Variants in SNX25 observed in about 807,000 individuals in gnomAD.
SNX25 encodes sorting nexin-25.
SNX25 carries 62 observed loss-of-function variants against 113.7 expected under a neutral mutation model. The observed-to-expected ratio is 0.55, with a 90% CI of 0.44 to 0.67. The LOEUF (loss-of-function observed/expected upper bound fraction) is 0.67. SNX25 is among the 30% of genes least tolerant of loss of function. SNX25 has a pLI of 0.00. For synonymous variants in SNX25, 421 were observed against 436.2 expected (o/e 0.97, Z 0.43); for missense variants, 1,014 against 1,161.0 (o/e 0.87, Z 1.84).
intron 9 of SNX25, among the ~76,000 whole-genome samples, chr4:185,325,532 C>CA (rs34665853): frequency 0.71 from 79,649 of 111,540 alleles, 29,722 homozygotes; most frequent in Non-Finnish European, 0.81. Flanking sequence ...GACTCCGTCT[C>CA]AAAAAAAAAA....
chr4:185,264,560 T>G lies in SNX25; in HGVS notation c.854T>G (p.Val285Gly), dbSNP rs771892711. ...TTTTGTCTCCTCCCCTCAAAGGATG[T>G]GCAGTCTCTCAGCTTACGTATAATG... is the stretch of plus-strand genomic sequence containing the variant. ...LVFCLLPSKD[V>G]QSLSLRIMLA... is the part of the protein sequence containing the mutation. Residue 285 changes from valine to glycine, a missense_variant, in exon 4 of 19, where the codon GTG becomes GGG. Val to Gly is a moderately radical substitution (Grantham distance 109, BLOSUM62 -3). Coordinates refer to ENST00000652585, the MANE Select transcript of SNX25 (RefSeq NM_001378034.2). 1.9e-6 allele frequency: 3 copies of G among 1,614,084 alleles called. No homozygotes were observed. In the South Asian group the frequency reaches 3.3e-5, roughly 18 times the overall value.
At chr4:185,310,888 A>C (rs987983941) in intron 7 of SNX25, 72 bp downstream of exon 7, 13 of 1,407,602 alleles carry the variant, frequency 9.2e-6, no homozygotes, top group Non-Finnish European at 7.6e-6. Context: ...ACATATAAAG[A>C]CTTTCAACTT....
In SNX25 at chr4:185,310,694, A is replaced by G. The variant is rs753681037; in HGVS notation, c.1222A>G (p.Ile408Val). The G allele has an allele frequency of 1.2e-6, 2 of 1,614,146 alleles. No individual in the cohort carries two copies. The highest frequency in any genetic ancestry group is 1.7e-5 in the Admixed American group (1 of 60,020). ...GAGGGCCAGGAACATGAAGAGGTAC[A>G]TCAACCAACTGACTGTGGCAAAGAA... is the stretch of plus-strand genomic sequence containing the variant. ...LLRARNMKRY[I>V]NQLTVAKKQC... The change falls in exon 7 of 19, where the codon ATC becomes GTC. Residue 408 changes from isoleucine to valine, a missense_variant. Ile to Val is a conservative substitution (Grantham distance 29). Transcript: ENST00000652585.
intron 8 of SNX25, among the ~76,000 whole-genome samples, chr4:185,322,422 T>A (rs1271629619): frequency 6.6e-6 from 1 of 151,998 alleles, no homozygotes; most frequent in Non-Finnish European, 1.5e-5. Flanking sequence ...ACAGCAAGAT[T>A]TGGTCTTGGG....
Position 185,315,737 on chromosome 4 carries a change from A to T in SNX25, c.1344+4921A>T, listed in dbSNP as rs549287269. Among the ~76,000 whole-genome samples, 19 of 152,294 alleles carry T rather than the reference A, an allele frequency of 1.2e-4. No individual in the cohort carries two copies. In the South Asian group the frequency reaches 3.7e-3, roughly 30 times the overall value. On this transcript the variant is annotated intron_variant, in intron 7 of 18. Transcript: ENST00000652585. ...TAATACCAAACCAGAGGAAAAAAAA[A>T]CTTCAAAATGGTGTCTCTCATGACC...
downstream of SNX25, among the ~76,000 whole-genome samples, chr4:185,367,905 C>T (rs533040271): frequency 2.6e-5 from 4 of 152,194 alleles, no homozygotes; most frequent in South Asian, 2.1e-4. Context: ...TATGGCCGGG[C>T]GCGGTAGCTC....
At chr4:185,374,470 A>C, downstream of SNX25, 2 of 1,605,666 alleles carry the variant, frequency 1.2e-6, no homozygotes, top group Non-Finnish European at 1.7e-6. Context: ...TCCTTCGACA[A>C]AAGAAAGAGC....
intron 1 of SNX25, chr4:185,204,502 C>G (rs887061430): frequency 2.0e-5 from 3 of 152,178 alleles, no homozygotes; most frequent in African/African-American, 7.2e-5. Context: ...TAAAAATGAT[C>G]TCTGCAGAAT....
At chr4:185,247,520 G>T (rs775377993) in intron 2 of SNX25, 142 bp downstream of exon 2, 2 of 684,268 alleles carry the variant, frequency 2.9e-6, no homozygotes, top group Non-Finnish European at 5.2e-6. Flanking sequence ...TGTATTTGAT[G>T]ACTAAATACA....
chr4:185,308,747 C>A (rs182343433), intron 6 of SNX25, among the ~76,000 whole-genome samples: 1 of 152,078 alleles, frequency 6.6e-6, no homozygotes, highest in Admixed American at 6.5e-5. Context: ...TTCTCTTCCC[C>A]CTTACTCTTA....
downstream of SNX25, among the ~76,000 whole-genome samples, chr4:185,371,572 G>C (rs2095416224): frequency 6.8e-6 from 1 of 147,156 alleles, no homozygotes; most frequent in African/African-American, 2.5e-5. Flanking sequence ...AAGGATAATG[G>C]AAAGAAGTCA....
intron 5 of SNX25, among the ~76,000 whole-genome samples, chr4:185,287,089 A>T (rs1751447393): frequency 2.0e-5 from 3 of 152,228 alleles, no homozygotes; most frequent in Non-Finnish European, 4.4e-5. Context: ...ACTCAGGATA[A>T]ACCACTTTGA....
Position 185,210,452 on chromosome 4 carries a change from GGCTCCGC to G in SNX25, c.429+206_429+212del, listed in dbSNP as rs529785733. Among the ~76,000 whole-genome samples, 53 of 148,580 alleles carry G rather than the reference GGCTCCGC, an allele frequency of 3.6e-4. No homozygotes were observed. The highest frequency in any genetic ancestry group is 1.1e-3 in the African/African-American group (47 of 41,096). ...CGCGCGCGGCGGGCTCCGGGCTCCG[GGCTCCGC>G]GCTCCGCGGTGCTGGAGGAGATGCG... is the stretch of plus-strand genomic sequence containing the variant. On this transcript the variant is annotated intron_variant, in intron 1 of 18. Coordinates refer to ENST00000652585, the MANE Select transcript of SNX25 (RefSeq NM_001378034.2). The surrounding 1 kb of genome is among the most constrained non-coding windows in gnomAD (Gnocchi z 4.4).
chr4:185,376,269 C>T, the SNX25 span, among the ~76,000 whole-genome samples: 1 of 152,048 alleles, frequency 6.6e-6, no homozygotes, highest in East Asian at 1.9e-4. Context: ...TATGAAGATA[C>T]CTGGTAATAC....
intron 1 of SNX25, among the ~76,000 whole-genome samples, chr4:185,212,045 A>C (rs1737902208): frequency 6.6e-6 from 1 of 152,224 alleles, no homozygotes; most frequent in Non-Finnish European, 1.5e-5. Context: ...TACTACCCGA[A>C]GATTTCAGGT....
downstream of SNX25, chr4:185,366,708 A>C (rs533399556): frequency 1.5e-4 from 23 of 152,314 alleles, 1 homozygote; most frequent in Admixed American, 1.4e-3. Context: ...ATGACTGAAA[A>C]TTTAAATTTT....
chr4:185,228,183 A>G lies in SNX25; in HGVS notation c.429+17928A>G, dbSNP rs78191064. On this transcript the variant is annotated intron_variant, in intron 1 of 18. Coordinates refer to ENST00000652585, the MANE Select transcript of SNX25 (RefSeq NM_001378034.2). ...CCTGGCTGAGAAGGCCAGAAGAGAAAGTGGTACCTAGAGGGGAGTGTGTGT... is the reference window on the plus strand; with the variant it reads ...CCTGGCTGAGAAGGCCAGAAGAGAAGGTGGTACCTAGAGGGGAGTGTGTGT... Among the ~76,000 whole-genome samples, 325 of 152,222 alleles carry G rather than the reference A, an allele frequency of 2.1e-3. 12 individuals are homozygous for G. The East Asian group carries it at 0.058, about 27-fold the overall frequency.
chr4:185,301,574 G>A (rs2126643608), intron 6 of SNX25, among the ~76,000 whole-genome samples: 1 of 151,156 alleles, frequency 6.6e-6, no homozygotes, highest in South Asian at 2.1e-4. Flanking sequence ...ATCCTAGTCA[G>A]ACTTTTTTAT....
chr4:185,285,584 C>CT (rs1471750347), intron 5 of SNX25, among the ~76,000 whole-genome samples: 4 of 152,204 alleles, frequency 2.6e-5, no homozygotes, highest in Admixed American at 6.5e-5. Context: ...AGAAAGCTCT[C>CT]TATCAGTTGG....
Sources: gnomAD v4.1 joint callset for allele counts (sites outside exome capture counted in the v4.1 genomes callset) on GRCh38, gnomAD v4.1.1 for gene constraint, Gnocchi (gnomAD v3.1) non-coding constraint, MANE v1.5 for transcripts, NCBI Gene and HGNC (gene_info 2026-07-23, HGNC 2026-07-21) for gene names.